Variants in DCDC2 observed in about 807,000 individuals in gnomAD.
The protein encoded by DCDC2 is doublecortin domain containing 2, also known as doublecortin domain-containing protein 2.
DCDC2 carries 40 observed loss-of-function variants against 50.2 expected under a neutral mutation model. The observed-to-expected ratio is 0.80, with a 90% CI of 0.62 to 1.04. The LOEUF (loss-of-function observed/expected upper bound fraction) is 1.04, where lower values mean the gene tolerates loss of function less well. Among genes scored for constraint, DCDC2 ranks in the 50% least tolerant of loss-of-function variants. DCDC2 has a pLI of 0.00. For missense variants in DCDC2, 570 were observed against 581.9 expected (o/e 0.98, Z 0.21); for synonymous variants, 234 against 210.6 (o/e 1.11, Z -0.96).
upstream of DCDC2, among the ~76,000 whole-genome samples, chr6:24,359,632 C>T (rs1396410024): frequency 7.0e-6 from 1 of 142,344 alleles, no homozygotes; most frequent in Non-Finnish European, 1.5e-5. Flanking sequence ...TACCGTGACT[C>T]ATGCCTGTAA....
intron 2 of DCDC2, among the ~76,000 whole-genome samples, chr6:24,320,969 A>C (rs964218466): frequency 6.6e-6 from 1 of 151,834 alleles, no homozygotes; most frequent in African/African-American, 2.4e-5. Flanking sequence ...AAAAAAAAAA[A>C]AAAAACAGCA....
intron 2 of DCDC2, among the ~76,000 whole-genome samples, chr6:24,342,867 C>A (rs1336558149): frequency 6.6e-6 from 1 of 152,012 alleles, no homozygotes; most frequent in Non-Finnish European, 1.5e-5. Flanking sequence ...TACTTTTCTT[C>A]CCCTGGATTA....
intron 2 of DCDC2, among the ~76,000 whole-genome samples, chr6:24,321,764 G>T (rs866635699): frequency 2.0e-5 from 3 of 152,236 alleles, no homozygotes; most frequent in African/African-American, 7.2e-5. Flanking sequence ...TAACTTTGCT[G>T]GGTAGGAGCC....
intron 8 of DCDC2, among the ~76,000 whole-genome samples, chr6:24,193,539 C>T (rs745543578): frequency 6.6e-6 from 1 of 151,870 alleles, no homozygotes; most frequent in African/African-American, 2.4e-5. Context: ...GTAACAGGTA[C>T]ATATAAAACA....
Position 24,325,143 on chromosome 6 carries a change from C to T in DCDC2, c.349-23099G>A, listed in dbSNP as rs531390753. Among the ~76,000 whole-genome samples, 14 of 132,068 alleles carry T rather than the reference C, an allele frequency of 1.1e-4. 1 individual carries two copies. Among genetic ancestry groups the T allele is most frequent in the African/African-American group, 2.7e-4 (11 of 40,300 alleles). 86.6% of individuals were successfully genotyped at this position (132,068 alleles called of 152,430 possible). On this transcript the variant is annotated intron_variant, in intron 2 of 9. Coordinates refer to ENST00000378454, the MANE Select transcript of DCDC2 (RefSeq NM_016356.5). Reference sequence around the variant, plus strand: ...TAATCCAAAACCAGAATCTCCAGAGCCCCGTGGTCAAAACTAAAACGTTCC... The same window carrying T: ...TAATCCAAAACCAGAATCTCCAGAGTCCCGTGGTCAAAACTAAAACGTTCC...
intron 7 of DCDC2, among the ~76,000 whole-genome samples, chr6:24,246,394 A>C (rs1001072840): frequency 6.6e-6 from 1 of 151,930 alleles, no homozygotes; most frequent in Admixed American, 6.6e-5. Flanking sequence ...CAATCCATTT[A>C]AATTGTACGC....
chr6:24,192,354 G>A (rs1761333184), intron 8 of DCDC2, among the ~76,000 whole-genome samples: 1 of 151,786 alleles, frequency 6.6e-6, no homozygotes, highest in Admixed American at 6.6e-5. Flanking sequence ...CAATGAAATG[G>A]CCAAAACGAA....
the DCDC2 span, among the ~76,000 whole-genome samples, chr6:24,363,394 A>G: frequency 1.3e-5 from 2 of 152,144 alleles, no homozygotes; most frequent in Non-Finnish European, 2.9e-5. Context: ...CCAGCTACTC[A>G]GGAGACTGAG....
chr6:24,306,158 G>A (rs1004219457), intron 2 of DCDC2, among the ~76,000 whole-genome samples: 7 of 152,136 alleles, frequency 4.6e-5, no homozygotes, highest in South Asian at 2.1e-4. Context: ...TCAGAGCCCC[G>A]TGTAGCCAGG....
chr6:24,248,003 G>A (rs184157782), intron 7 of DCDC2, among the ~76,000 whole-genome samples: 3 of 152,140 alleles, frequency 2.0e-5, no homozygotes, highest in African/African-American at 7.2e-5. Context: ...TTGAACACGG[G>A]AGGCAGAAGT....
rs916957777 is a variant in DCDC2, at chr6:24,326,873, A to G, written c.349-24829T>C. 2.7e-5 allele frequency among the ~76,000 whole-genome samples: 4 copies of G among 148,702 alleles called. 1 individual carries two copies. Among genetic ancestry groups the G allele is most frequent in the Non-Finnish European group, 6.0e-5 (4 of 66,922 alleles). On this transcript the variant is annotated intron_variant, in intron 2 of 9. Transcript: ENST00000378454. ...GACCCTGTCTCAAAAAAAAAAAAAA[A>G]ATGCATAAAAATGTTCATTTACATC...
intron 8 of DCDC2, among the ~76,000 whole-genome samples, chr6:24,188,641 C>T (rs1243508110): frequency 1.3e-5 from 2 of 152,104 alleles, no homozygotes; most frequent in Non-Finnish European, 2.9e-5. Context: ...TTAAGAGAAC[C>T]TGTTTTCAGA....
intron 7 of DCDC2, among the ~76,000 whole-genome samples, chr6:24,212,471 G>T (rs1184561575): frequency 6.6e-6 from 1 of 152,004 alleles, no homozygotes; most frequent in Non-Finnish European, 1.5e-5. Flanking sequence ...CTCCTACCAG[G>T]TGCAAAACAC....
intron 2 of DCDC2, among the ~76,000 whole-genome samples, chr6:24,327,998 C>T (rs555934148): frequency 5.3e-5 from 8 of 152,276 alleles, no homozygotes; most frequent in South Asian, 4.1e-4. Flanking sequence ...ATGAGATTCA[C>T]GCTATTCCAT....
chr6:24,237,914 T>C (rs532065906), intron 7 of DCDC2, among the ~76,000 whole-genome samples: 16 of 151,280 alleles, frequency 1.1e-4, no homozygotes, highest in African/African-American at 3.9e-4. Flanking sequence ...CACTGAGCAC[T>C]GTAAGAGAAG....
At chr6:24,319,949 T>C (rs980262305) in intron 2 of DCDC2, among the ~76,000 whole-genome samples, 3 of 150,752 alleles carry the variant, frequency 2.0e-5, no homozygotes, top group Admixed American at 6.6e-5. Context: ...AATAGAAAGA[T>C]ACAGTAACAA....
intron 7 of DCDC2, among the ~76,000 whole-genome samples, chr6:24,211,166 C>T (rs1239076383): frequency 6.6e-6 from 1 of 152,106 alleles, no homozygotes; most frequent in Non-Finnish European, 1.5e-5. Context: ...CCATCCCCAG[C>T]ACTAAAACAT....
At position 24,173,833 on chromosome 6, in the gene DCDC2, T is replaced by G. The variant is rs936481889; in HGVS notation, c.*897A>C. ...ACTCTTCATATAGTCTACTTTTTTCTTCCTAATACACTTTTATTTTTGTTG... is the reference window on the plus strand; with the variant it reads ...ACTCTTCATATAGTCTACTTTTTTCGTCCTAATACACTTTTATTTTTGTTG... On this transcript the variant is annotated 3_prime_UTR_variant, in exon 10 of 10. Transcript: ENST00000378454. 5 of 152,224 alleles carry G rather than the reference T, an allele frequency of 3.3e-5. No homozygotes were observed. Among genetic ancestry groups the G allele is most frequent in the African/African-American group, 1.2e-4 (5 of 41,456 alleles). 9.4% of individuals were successfully genotyped at this position (152,224 alleles called of 1,614,324 possible).
chr6:24,312,716 T>C (rs1004493550), intron 2 of DCDC2, among the ~76,000 whole-genome samples: 2 of 152,162 alleles, frequency 1.3e-5, no homozygotes, highest in African/African-American at 4.8e-5. Context: ...AGATGGCTAT[T>C]TTCCTCCCAA....
Sources: allele counts gnomAD v4.1 joint callset (sites outside exome capture counted in the v4.1 genomes callset), GRCh38; gene constraint gnomAD v4.1.1; transcripts MANE v1.5; gene names NCBI Gene and HGNC (gene_info 2026-07-23, HGNC 2026-07-21).